GRIA3: variants seen among roughly 807,000 people sequenced by gnomAD.
GRIA3 encodes glutamate receptor 3.
Under a neutral mutation model 63.0 loss-of-function variants are expected in GRIA3, and 3 were observed. That is an observed-to-expected ratio of 0.05 (90% CI 0.02 to 0.12). The LOEUF is 0.12. Among genes scored for constraint, GRIA3 ranks in the 10% least tolerant of loss-of-function variants. The probability of loss-of-function intolerance (pLI) is 1.00; values close to 1 mark genes in which losing one functional copy is unlikely to be tolerated. For missense variants in GRIA3, 347 were observed against 700.9 expected (o/e 0.50, Z 5.70); for synonymous variants, 274 against 257.9 (o/e 1.06, Z -0.60).
At chrX:123,358,236 A>G (rs369186139) in intron 5 of GRIA3, 7 of 112,100 alleles carry the variant, frequency 6.2e-5, no homozygotes, top group Admixed American at 1.9e-4. Flanking sequence ...GCAAAGTCCA[A>G]TGTGAGTCTT....
chrX:123,336,499 A>G (rs2044975190), intron 4 of GRIA3, among the ~76,000 whole-genome samples: 1 of 112,106 alleles, frequency 8.9e-6, no homozygotes, highest in Admixed American at 9.5e-5. Flanking sequence ...AGTGAGGGGC[A>G]TCACTCAATG....
intron 3 of GRIA3, among the ~76,000 whole-genome samples, chrX:123,308,993 A>T (rs190862593): frequency 8.9e-6 from 1 of 112,657 alleles, no homozygotes; most frequent in East Asian, 2.8e-4. Flanking sequence ...CCCCTTGAAG[A>T]GGACCCAGAT....
intron 5 of GRIA3, among the ~76,000 whole-genome samples, chrX:123,368,780 C>CAA (rs58125026): frequency 0.017 from 1,478 of 86,043 alleles, 33 homozygotes; most frequent in African/African-American, 0.056. Context: ...GATCATAATA[C>CAA]AAAAAAAAAA....
chrX:123,235,968 T>C (rs780941473), intron 2 of GRIA3, among the ~76,000 whole-genome samples: 8 of 111,727 alleles, frequency 7.2e-5, no homozygotes, highest in African/African-American at 2.3e-4. Flanking sequence ...CATTAAGTCA[T>C]CCTGAATAAA....
At chrX:123,274,363 C>T in intron 3 of GRIA3, among the ~76,000 whole-genome samples, 1 of 111,683 alleles carries the variant, frequency 9.0e-6, no homozygotes, top group Non-Finnish European at 1.9e-5. Flanking sequence ...GTGACCAATC[C>T]TATAGCATGG....
intron 3 of GRIA3, among the ~76,000 whole-genome samples, chrX:123,314,314 C>T (rs918434680): frequency 8.9e-6 from 1 of 112,240 alleles, no homozygotes. Flanking sequence ...CATGGAGAAA[C>T]TTTGAGATGA....
At chrX:123,363,625 T>C (rs966582807) in intron 5 of GRIA3, among the ~76,000 whole-genome samples, 2 of 112,402 alleles carry the variant, frequency 1.8e-5, no homozygotes, top group African/African-American at 3.2e-5. Flanking sequence ...CAACAGAAGC[T>C]TACAAGACCC....
At chrX:123,314,010 A>C (rs1222458450) in intron 3 of GRIA3, among the ~76,000 whole-genome samples, 3 of 100,923 alleles carry the variant, frequency 3.0e-5, no homozygotes, top group Non-Finnish European at 6.3e-5. Flanking sequence ...CCATAAGTGA[A>C]GCCCCCTTTT....
chrX:123,419,237 G>A lies in GRIA3; in HGVS notation c.1877+1459G>A, dbSNP rs991716939. Among the ~76,000 whole-genome samples the A allele has an allele frequency of 1.8e-4, 20 of 110,548 alleles. No individual in the cohort carries two copies. The East Asian group carries it at 5.1e-3, about 28-fold the overall frequency. ...AGCCTGGCCAACATGGTGAAACCCC[G>A]TCTCTACTAAAAATACAAAAAATTA... On this transcript the variant is annotated intron_variant, in intron 11 of 15. Transcript: ENST00000620443.
At chrX:123,380,679 A>C (rs1419527323) in intron 5 of GRIA3, among the ~76,000 whole-genome samples, 4 of 111,602 alleles carry the variant, frequency 3.6e-5, no homozygotes, top group African/African-American at 6.5e-5. Flanking sequence ...TTTGGCTTTC[A>C]TTGCCATTGC....
intron 5 of GRIA3, among the ~76,000 whole-genome samples, chrX:123,359,548 T>A (rs988170382): frequency 9.0e-6 from 1 of 111,287 alleles, no homozygotes; most frequent in Non-Finnish European, 1.9e-5. Context: ...ACTAAAGCTT[T>A]AAAATCAGTC....
chrX:123,453,037 C>T (rs2045741777), intron 12 of GRIA3, among the ~76,000 whole-genome samples: 1 of 112,265 alleles, frequency 8.9e-6, no homozygotes, highest in Non-Finnish European at 1.9e-5. Flanking sequence ...CATCCCATTA[C>T]TGGGTATATA....
chrX:123,303,407 T>C (rs1450091396), intron 3 of GRIA3, among the ~76,000 whole-genome samples: 1 of 110,794 alleles, frequency 9.0e-6, no homozygotes, highest in Non-Finnish European at 1.9e-5. Context: ...AAATAAAATA[T>C]ATAATTTACC....
intron 2 of GRIA3, among the ~76,000 whole-genome samples, chrX:123,237,428 CT>C (rs2044307528): frequency 9.0e-6 from 1 of 111,726 alleles, no homozygotes; most frequent in South Asian, 3.8e-4. Context: ...CAATGGAGAG[CT>C]TAGGGCCCAG....
intron 12 of GRIA3, among the ~76,000 whole-genome samples, chrX:123,448,334 T>A (rs751098562): frequency 1.8e-5 from 2 of 111,871 alleles, no homozygotes; most frequent in African/African-American, 6.5e-5. Flanking sequence ...CAGAGCTACA[T>A]ACTAGCTCTG....
At chrX:123,318,603 A>G (rs1261529848) in intron 3 of GRIA3, among the ~76,000 whole-genome samples, 1 of 111,920 alleles carries the variant, frequency 8.9e-6, no homozygotes, top group African/African-American at 3.3e-5. Context: ...CCAGTTCCCA[A>G]CAAGTTCCTC....
chrX:123,459,819 C>CA lies in GRIA3; in HGVS notation c.2077-5035dup, dbSNP rs10716553. On this transcript the variant is annotated intron_variant, in intron 12 of 15. Transcript: ENST00000620443. Reference sequence around the variant, plus strand: ...ATTTCATCCAAAATAAGACAGAATGCAAAAAAAAAAAGGAAAGAAAAAAAG... The same window carrying CA: ...ATTTCATCCAAAATAAGACAGAATGCAAAAAAAAAAAAGGAAAGAAAAAAAG... Among the ~76,000 whole-genome samples, 195 of 91,094 alleles carry CA rather than the reference C, an allele frequency of 2.1e-3. 1 individual carries two copies. The South Asian group carries it at 0.022, about 10-fold the overall frequency. 79.1% of individuals were successfully genotyped at this position (91,094 alleles called of 115,157 possible).
intron 2 of GRIA3, among the ~76,000 whole-genome samples, chrX:123,200,636 C>A (rs1927710572): frequency 9.3e-6 from 1 of 107,610 alleles, no homozygotes; most frequent in African/African-American, 3.4e-5. Flanking sequence ...CACACACACA[C>A]ACACACGCAA....
intron 13 of GRIA3, among the ~76,000 whole-genome samples, chrX:123,474,717 TAA>T (rs1397359279): frequency 1.8e-5 from 2 of 110,578 alleles, no homozygotes; most frequent in African/African-American, 3.3e-5. Context: ...AAAAAAAAAA[TAA>T]GTTTCTACTT....
Sources: allele counts gnomAD v4.1 joint callset (sites outside exome capture counted in the v4.1 genomes callset), GRCh38; gene constraint gnomAD v4.1.1; transcripts MANE v1.5; gene names NCBI Gene and HGNC (gene_info 2026-07-23, HGNC 2026-07-21).